The following FBXO11 variants were observed in gnomAD, a reference collection of about 807,000 sequenced individuals.
FBXO11 encodes F-box protein 11.
In FBXO11, 13 loss-of-function variants were observed where a neutral mutation model predicts 117.0. The observed-to-expected ratio is 0.11, with a 90% confidence interval of 0.07 to 0.18. The LOEUF (loss-of-function observed/expected upper bound fraction) is 0.18, where lower values mean the gene tolerates loss of function less well. Among genes scored for constraint, FBXO11 ranks in the 10% least tolerant of loss-of-function variants. The pLI, the probability that FBXO11 is intolerant of heterozygous loss-of-function variation, is 1.00. For synonymous variants in FBXO11, 490 were observed against 380.5 expected, an observed-to-expected ratio of 1.29 and a Z score of -3.35; for missense variants, 767 against 1,164.4, an observed-to-expected ratio of 0.66 and a Z score of 4.97.
At chr2:47,891,507 T>C (rs993082240) in intron 1 of FBXO11, among the ~76,000 whole-genome samples, 2 of 152,250 alleles carry the variant, frequency 1.3e-5, no homozygotes, top group Admixed American at 6.5e-5. Context: ...TTTTCTTTAT[T>C]TCTTCATCTG....
intron 18 of FBXO11, among the ~76,000 whole-genome samples, chr2:47,811,935 T>C (rs1348686438): frequency 6.6e-6 from 1 of 152,142 alleles, no homozygotes; most frequent in Non-Finnish European, 1.5e-5. Flanking sequence ...ATCATTAACA[T>C]GTCCCACCCC....
intron 1 of FBXO11, among the ~76,000 whole-genome samples, chr2:47,882,140 T>C (rs1435697644): frequency 2.0e-5 from 3 of 152,214 alleles, no homozygotes; most frequent in Non-Finnish European, 4.4e-5. Context: ...CTCTACTATT[T>C]TCCTCAAGAA....
chr2:47,839,467 G>T lies in FBXO11; in HGVS notation c.394C>A (p.His132Asn). Residue 132 changes from histidine to asparagine, a missense_variant, in exon 3 of 23, where the codon CAT (histidine) becomes AAT (asparagine). Around this residue, in one of 10 missense-constraint regions of FBXO11, gnomAD observed 355 missense variants for 299.8 expected, o/e 1.18. Transcript: ENST00000403359. ...ASTSTTENFG[H>N]RAKRARVSGK... ...GACACTCTTGCACGTTTTGCACGAT[G>T]ACCAAAGTTTTCTGTAGTTGAAGTT... is the stretch of plus-strand genomic sequence containing the variant. 2 of 1,613,968 alleles carry T rather than the reference G, an allele frequency of 1.2e-6. No homozygotes were observed. The highest frequency in any genetic ancestry group is 1.1e-5 in the South Asian group (1 of 90,968).
chr2:47,835,325 C>T (rs1572811778), intron 5 of FBXO11, among the ~76,000 whole-genome samples: 1 of 152,316 alleles, frequency 6.6e-6, no homozygotes, highest in Non-Finnish European at 1.5e-5. Context: ...AACTTTAAAA[C>T]AAATGCTGAA....
intron 1 of FBXO11, among the ~76,000 whole-genome samples, chr2:47,900,874 G>GTATA (rs1491515002): frequency 1.1e-5 from 1 of 90,158 alleles, no homozygotes; most frequent in African/African-American, 4.0e-5. Context: ...ACACACACAC[G>GTATA]TGTATATATA....
At chr2:47,858,046 C>G (rs759281730) in intron 1 of FBXO11, among the ~76,000 whole-genome samples, 1 of 152,010 alleles carries the variant, frequency 6.6e-6, no homozygotes, top group Admixed American at 6.5e-5. Flanking sequence ...TTAAAAAAAT[C>G]ATTGCCTTGG....
chr2:47,901,102 T>TATGTATATATGTACACACGTGTGTAC (rs1372269271), intron 1 of FBXO11, among the ~76,000 whole-genome samples: 14 of 106,580 alleles, frequency 1.3e-4, no homozygotes, highest in African/African-American at 2.7e-4. Flanking sequence ...TATACATATA[T>TATGTATATATGTACACACGTGTGTAC]ATGTATATAT....
At chr2:47,815,115 G>A (rs1357987700) in intron 16 of FBXO11, among the ~76,000 whole-genome samples, 1 of 152,134 alleles carries the variant, frequency 6.6e-6, no homozygotes, top group Non-Finnish European at 1.5e-5. Flanking sequence ...ATCCATGAGG[G>A]TTGGAAGCAA....
chr2:47,812,639 A>G (rs750607572), intron 18 of FBXO11, among the ~76,000 whole-genome samples: 10 of 152,220 alleles, frequency 6.6e-5, no homozygotes, highest in Non-Finnish European at 1.3e-4. Flanking sequence ...TCTATGTAAG[A>G]TATGTACAAA....
intron 1 of FBXO11, among the ~76,000 whole-genome samples, chr2:47,890,851 T>G (rs1013611197): frequency 6.6e-6 from 1 of 151,956 alleles, no homozygotes; most frequent in South Asian, 2.1e-4. Context: ...ACAGTCTTGC[T>G]CTATTGCTCA....
At chr2:47,902,720 T>A (rs1042969921) in intron 1 of FBXO11, among the ~76,000 whole-genome samples, 2 of 152,150 alleles carry the variant, frequency 1.3e-5, no homozygotes, top group Non-Finnish European at 2.9e-5. Context: ...ATACTGTAAC[T>A]ATTTTATTAC....
At chr2:47,842,483 A>C (rs2052812568) in intron 1 of FBXO11, among the ~76,000 whole-genome samples, 1 of 152,180 alleles carries the variant, frequency 6.6e-6, no homozygotes, top group South Asian at 2.1e-4. Flanking sequence ...TCATAATAAC[A>C]AAGGTATAAA....
intron 21 of FBXO11, 170 bp from the exon 22 acceptor site, chr2:47,808,597 TTCCTGTCA>T: frequency 3.8e-6 from 2 of 527,034 alleles, no homozygotes; most frequent in South Asian, 7.0e-5. Context: ...GTAAGTGATT[TTCCTGTCA>T]TCTGTGTCTT....
intron 1 of FBXO11, among the ~76,000 whole-genome samples, chr2:47,863,458 A>G (rs1674943718): frequency 6.6e-6 from 1 of 152,196 alleles, no homozygotes; most frequent in African/African-American, 2.4e-5. Flanking sequence ...CTATAATCAA[A>G]TCATAAAGGC....
At chr2:47,865,032 T>C (rs1297240564) in intron 1 of FBXO11, among the ~76,000 whole-genome samples, 2 of 152,210 alleles carry the variant, frequency 1.3e-5, no homozygotes, top group East Asian at 3.8e-4. Flanking sequence ...AAACTAAAAA[T>C]TTCCTGAACT....
chr2:47,828,439 C>A (rs1572796677), intron 11 of FBXO11, among the ~76,000 whole-genome samples: 1 of 152,126 alleles, frequency 6.6e-6, no homozygotes, highest in Non-Finnish European at 1.5e-5. Context: ...AAAACCCTGT[C>A]TGTACTAAAA....
chr2:47,864,109 G>C (rs1292236549), intron 1 of FBXO11, among the ~76,000 whole-genome samples: 3 of 152,104 alleles, frequency 2.0e-5, no homozygotes, highest in Non-Finnish European at 1.5e-5. Context: ...GTTTACAAAG[G>C]CATGTGACTT....
rs1677057490 is a variant in FBXO11, at chr2:47,888,837, T to G, written c.232+16652A>C. The G allele has an allele frequency of 3.1e-5, 5 of 161,336 alleles. No individual in the cohort carries two copies. In the Admixed American group the frequency reaches 3.3e-4, roughly 11 times the overall value. The allele number at this position is 161,336 out of a possible 1,614,324, so 10.0% of individuals were successfully genotyped here. On this transcript the variant is annotated intron_variant, in intron 1 of 22. Transcript: ENST00000403359. Reference sequence around the variant, plus strand: ...CTAGACAGTTCAAAGAGTCTGCTCATTTTTTTTCTGTCCACACAGATTAAA... The same window carrying G: ...CTAGACAGTTCAAAGAGTCTGCTCAGTTTTTTTCTGTCCACACAGATTAAA...
chr2:47,820,967 T>C (rs1410356875), intron 13 of FBXO11, among the ~76,000 whole-genome samples: 1 of 152,242 alleles, frequency 6.6e-6, no homozygotes, highest in African/African-American at 2.4e-5. Flanking sequence ...TGTTTGCTGA[T>C]TTAATGTTCC....
Sources: allele counts gnomAD v4.1 joint callset (sites outside exome capture counted in the v4.1 genomes callset), GRCh38; gene constraint gnomAD v4.1.1; regional missense constraint gnomAD v4.1.1; transcripts MANE v1.5; gene names NCBI Gene and HGNC (gene_info 2026-07-23, HGNC 2026-07-21).